The following PAK3 variants were observed in gnomAD, a reference collection of about 807,000 sequenced individuals.
The protein encoded by PAK3 is serine/threonine-protein kinase PAK 3.
A neutral mutation model predicts 41.0 loss-of-function variants in PAK3; 4 were observed. The ratio of observed to expected loss-of-function variants is 0.10; its 90% CI spans 0.05 to 0.22. The LOEUF is 0.22. Among genes scored for constraint, PAK3 ranks in the 10% least tolerant of loss-of-function variants. The probability of loss-of-function intolerance (pLI) is 1.00; values close to 1 mark genes in which losing one functional copy is unlikely to be tolerated. For missense variants in PAK3, 205 were observed against 409.9 expected, an observed-to-expected ratio of 0.50 and a Z score of 4.32; for synonymous variants, 146 against 139.6, an observed-to-expected ratio of 1.05 and a Z score of -0.32.
At chrX:111,109,642 G>C (rs1301054237) in intron 4 of PAK3, among the ~76,000 whole-genome samples, 1 of 111,738 alleles carries the variant, frequency 8.9e-6, no homozygotes, top group Non-Finnish European at 1.9e-5. Context: ...CCAAACTTGT[G>C]GGGGTGGTGA....
intron 5 of PAK3, among the ~76,000 whole-genome samples, chrX:111,128,726 T>C (rs189578983): frequency 5.3e-5 from 6 of 112,328 alleles, no homozygotes; most frequent in Non-Finnish European, 9.4e-5. Flanking sequence ...ATAGTGTGAT[T>C]TGAAACATAT....
chrX:111,165,492 G>A (rs1031858520), intron 10 of PAK3, among the ~76,000 whole-genome samples: 4 of 111,979 alleles, frequency 3.6e-5, no homozygotes, highest in African/African-American at 1.3e-4. Flanking sequence ...ACCAAAGTTT[G>A]AACTGAGACC....
At chrX:110,945,374 G>A (rs1317183725) in intron 1 of PAK3, among the ~76,000 whole-genome samples, 4 of 111,632 alleles carry the variant, frequency 3.6e-5, no homozygotes, top group Non-Finnish European at 7.5e-5. Flanking sequence ...CACATTGGAA[G>A]GATAATGATT....
intron 1 of PAK3, among the ~76,000 whole-genome samples, chrX:110,976,788 A>G: frequency 9.0e-6 from 1 of 111,631 alleles, no homozygotes; most frequent in East Asian, 2.8e-4. Context: ...CATAAAAAGT[A>G]TGAGTTCATG....
At chrX:110,970,254 T>A (rs1006286697) in intron 1 of PAK3, among the ~76,000 whole-genome samples, 1 of 112,051 alleles carries the variant, frequency 8.9e-6, no homozygotes, top group Non-Finnish European at 1.9e-5. Context: ...GATGGGGTTG[T>A]TTGTTTTTTT....
chrX:111,096,296 G>A lies in PAK3; in HGVS notation c.-472G>A. The A allele has an allele frequency of 1.8e-5, 2 of 112,015 alleles. No homozygotes were observed. The allele number at this position is 112,015 out of a possible 1,213,427, so 9.2% of individuals were successfully genotyped here. A position where few individuals can be genotyped will look rare whatever the true frequency, so the allele number is the denominator to read the frequency against. ...GTGCGGGGGCGGGAGAAGAGCCAGGGGGAGCGGGCTGGGCCCGGGGCTGCG... is the reference window on the plus strand; with the variant it reads ...GTGCGGGGGCGGGAGAAGAGCCAGGAGGAGCGGGCTGGGCCCGGGGCTGCG... On this transcript the variant is annotated 5_prime_UTR_variant, in exon 1 of 18. Coordinates refer to ENST00000372007, the MANE Select transcript of PAK3 (RefSeq NM_002578.5).
chrX:111,120,116 G>A (rs1477290342), intron 4 of PAK3, among the ~76,000 whole-genome samples: 2 of 112,177 alleles, frequency 1.8e-5, no homozygotes, highest in East Asian at 5.6e-4. Context: ...CTTTGTAAAA[G>A]GTGTATTCCA....
intron 1 of PAK3, among the ~76,000 whole-genome samples, chrX:110,980,140 C>T (rs2091424406): frequency 8.9e-6 from 1 of 112,204 alleles, no homozygotes; most frequent in Non-Finnish European, 1.9e-5. Flanking sequence ...CCCTGACTTC[C>T]TCTTCCATTT....
intron 1 of PAK3, among the ~76,000 whole-genome samples, chrX:110,984,772 C>A: frequency 9.1e-6 from 1 of 110,477 alleles, no homozygotes; most frequent in South Asian, 3.9e-4. Context: ...AGCCTTACGC[C>A]CCCCCGCCCC....
intron 10 of PAK3, 34 bp downstream of exon 10, chrX:111,163,761 G>C: frequency 9.4e-7 from 1 of 1,064,994 alleles, no homozygotes; most frequent in Non-Finnish European, 1.3e-6. Flanking sequence ...CTTTCTACAC[G>C]GGAGTGTTTC....
At chrX:111,169,649 G>A (rs1391012109) in intron 10 of PAK3, among the ~76,000 whole-genome samples, 1 of 111,215 alleles carries the variant, frequency 9.0e-6, no homozygotes, top group African/African-American at 3.3e-5. Context: ...AATATGGGAA[G>A]GACATTTCAG....
intron 1 of PAK3, among the ~76,000 whole-genome samples, chrX:110,955,380 C>T (rs1173177674): frequency 8.9e-6 from 1 of 111,841 alleles, no homozygotes; most frequent in African/African-American, 3.3e-5. Context: ...AATTCCCTTC[C>T]AATTGGAGCC....
intron 1 of PAK3, among the ~76,000 whole-genome samples, chrX:110,997,276 A>G (rs2091757175): frequency 9.0e-6 from 1 of 111,360 alleles, no homozygotes; most frequent in Non-Finnish European, 1.9e-5. Context: ...GGGGTATCAT[A>G]GAGCAGAGGG....
intron 11 of PAK3, among the ~76,000 whole-genome samples, chrX:111,185,185 T>C (rs1016834208): frequency 8.9e-6 from 1 of 112,347 alleles, no homozygotes; most frequent in Non-Finnish European, 1.9e-5. Flanking sequence ...GTTGACCGCA[T>C]AAATGTCTTC....
At chrX:111,111,479 A>G (rs113561369) in intron 4 of PAK3, among the ~76,000 whole-genome samples, 1,577 of 111,792 alleles carry the variant, frequency 0.014, 13 homozygotes, top group Non-Finnish European at 0.02. Flanking sequence ...CTGGATAAAA[A>G]TTTAGATGAA....
At chrX:111,099,219 A>G (rs1335071348) in intron 3 of PAK3, among the ~76,000 whole-genome samples, 2 of 112,372 alleles carry the variant, frequency 1.8e-5, no homozygotes, top group Non-Finnish European at 3.8e-5. Flanking sequence ...TTTGGAAGGC[A>G]TTTGCATTTA....
At chrX:111,050,273 T>C (rs943146590) in intron 1 of PAK3, among the ~76,000 whole-genome samples, 1 of 111,440 alleles carries the variant, frequency 9.0e-6, no homozygotes. Context: ...AGCCCCCATA[T>C]TTATGCCTCT....
At chrX:110,980,928 A>G (rs1486968091) in intron 1 of PAK3, among the ~76,000 whole-genome samples, 1 of 112,056 alleles carries the variant, frequency 8.9e-6, no homozygotes, top group Non-Finnish European at 1.9e-5. Context: ...GTTAGTTTAT[A>G]CACAGAAAGA....
chrX:111,141,516 T>A (rs765908600), intron 5 of PAK3, among the ~76,000 whole-genome samples: 5 of 111,897 alleles, frequency 4.5e-5, no homozygotes, highest in Admixed American at 1.9e-4. Context: ...TAGGAAATGA[T>A]TGAAATATTT....
Sources: gnomAD v4.1 joint callset for allele counts (sites outside exome capture counted in the v4.1 genomes callset) on GRCh38, gnomAD v4.1.1 for gene constraint, MANE v1.5 for transcripts, NCBI Gene and HGNC (gene_info 2026-07-23, HGNC 2026-07-21) for gene names.